Variants in SHISA9 observed in about 807,000 individuals in gnomAD.
SHISA9 encodes shisa family member 9.
Under a neutral mutation model 38.0 loss-of-function variants are expected in SHISA9, and 13 were observed. The ratio of observed to expected loss-of-function variants is 0.34; its 90% CI spans 0.22 to 0.54. SHISA9 has a LOEUF of 0.54. SHISA9 is among the 20% of genes least tolerant of loss of function. The pLI is 0.91. For synonymous variants in SHISA9, 275 were observed against 242.0 expected, an observed-to-expected ratio of 1.14 and a Z score of -1.27; for missense variants, 538 against 575.8, an observed-to-expected ratio of 0.93 and a Z score of 0.67.
chr16:12,955,218 C>T (rs2071813270), intron 2 of SHISA9, among the ~76,000 whole-genome samples: 1 of 152,138 alleles, frequency 6.6e-6, no homozygotes, highest in Admixed American at 6.5e-5. Context: ...GGCTGGATTC[C>T]ACCAATTCCC....
intron 2 of SHISA9, among the ~76,000 whole-genome samples, chr16:13,036,283 T>C (rs6498375): frequency 0.75 from 113,663 of 152,250 alleles, 43,194 homozygotes; most frequent in African/African-American, 0.88. Flanking sequence ...GTGTGATATA[T>C]TTTAACAACA....
intron 2 of SHISA9, among the ~76,000 whole-genome samples, chr16:13,078,539 G>A (rs898327638): frequency 1.3e-5 from 2 of 152,078 alleles, no homozygotes; most frequent in Non-Finnish European, 2.9e-5. Flanking sequence ...TGGAGTAGCT[G>A]GGATTACAGG....
At chr16:13,351,385 G>A in the SHISA9 span, among the ~76,000 whole-genome samples, 2 of 152,166 alleles carry the variant, frequency 1.3e-5, no homozygotes, top group Non-Finnish European at 2.9e-5. Flanking sequence ...CTGGTGGGTG[G>A]CAGGAAAGGC....
chr16:13,186,252 TG>T (rs1213706958), intron 2 of SHISA9, among the ~76,000 whole-genome samples: 2 of 149,204 alleles, frequency 1.3e-5, no homozygotes, highest in Non-Finnish European at 1.5e-5. Context: ...TGTGAAATTG[TG>T]GGGAAAAAAA....
At chr16:13,192,768 G>C (rs548352847) in intron 2 of SHISA9, among the ~76,000 whole-genome samples, 1 of 152,074 alleles carries the variant, frequency 6.6e-6, no homozygotes, top group Non-Finnish European at 1.5e-5. Context: ...CCAGCTACTT[G>C]GGAGGCTGAA....
chr16:13,489,380 G>C, the SHISA9 span, among the ~76,000 whole-genome samples: 2 of 152,120 alleles, frequency 1.3e-5, no homozygotes, highest in African/African-American at 2.4e-5. Context: ...TTGTATCTCT[G>C]TTGTTAAGCG....
chr16:13,346,180 CT>C, the SHISA9 span, among the ~76,000 whole-genome samples: 1 of 152,198 alleles, frequency 6.6e-6, no homozygotes, highest in African/African-American at 2.4e-5. Context: ...CATATGCATT[CT>C]TTGGCTTCCC....
the SHISA9 span, among the ~76,000 whole-genome samples, chr16:13,366,878 G>C: frequency 6.6e-6 from 1 of 151,538 alleles, no homozygotes; most frequent in Non-Finnish European, 1.5e-5. Context: ...AGCTACTCAG[G>C]AGACTGAGGC....
At chr16:13,245,428 T>C in the SHISA9 span, among the ~76,000 whole-genome samples, 7 of 152,188 alleles carry the variant, frequency 4.6e-5, no homozygotes, top group Non-Finnish European at 8.8e-5. Context: ...TCTATTTTTT[T>C]AAAATAGGGA....
chr16:13,299,672 C>A, the SHISA9 span, among the ~76,000 whole-genome samples: 3 of 151,488 alleles, frequency 2.0e-5, no homozygotes, highest in African/African-American at 7.3e-5. Context: ...GAGATTGCAC[C>A]CCTGCACTTT....
chr16:13,139,469 TCTTC>T (rs927533107), intron 2 of SHISA9, among the ~76,000 whole-genome samples: 5 of 148,094 alleles, frequency 3.4e-5, no homozygotes, highest in African/African-American at 1.2e-4. Flanking sequence ...TCTCTCTCTC[TCTTC>T]CTTCCTTCCT....
chr16:13,491,857 TTA>T, the SHISA9 span, among the ~76,000 whole-genome samples: 1 of 127,452 alleles, frequency 7.8e-6, no homozygotes, highest in Admixed American at 8.0e-5. Flanking sequence ...TTTTTTTTTT[TTA>T]GAGATAGGGG....
At chr16:13,097,160 A>T (rs532961393) in intron 2 of SHISA9, among the ~76,000 whole-genome samples, 1 of 152,176 alleles carries the variant, frequency 6.6e-6, no homozygotes, top group Non-Finnish European at 1.5e-5. Context: ...GTGAATCCCT[A>T]TACAGAACCC....
chr16:13,560,664 A>G, the SHISA9 span, among the ~76,000 whole-genome samples: 2 of 151,762 alleles, frequency 1.3e-5, no homozygotes, highest in African/African-American at 4.8e-5. Flanking sequence ...CCTAATCCTC[A>G]TCCACAAAAA....
the SHISA9 span, among the ~76,000 whole-genome samples, chr16:13,301,705 G>C: frequency 1.3e-5 from 2 of 152,164 alleles, no homozygotes; most frequent in African/African-American, 4.8e-5. Flanking sequence ...TGAGGTATGT[G>C]GGTGTAATGA....
chr16:13,402,371 A>G, the SHISA9 span, among the ~76,000 whole-genome samples: 1 of 152,098 alleles, frequency 6.6e-6, no homozygotes, highest in Non-Finnish European at 1.5e-5. Context: ...AGTTTCAACA[A>G]CTCAGAGTTC....
Position 13,037,498 on chromosome 16 carries a change from AG to A in SHISA9, c.691+120684del, listed in dbSNP as rs1282759474. ...GAGGGAGAGTGCAAGTTATAGCCAA[AG>A]ACCCTCAATGTCTGAGGGTATGGAC... On this transcript the variant is annotated intron_variant, in intron 2 of 4. Transcript: ENST00000558583. Among the ~76,000 whole-genome samples the A allele has an allele frequency of 2.6e-5, 4 of 151,920 alleles. 1 individual carries two copies. The East Asian group carries it at 7.9e-4, about 30-fold the overall frequency.
rs2072816613 is a variant in SHISA9 at position 13,019,882 on chromosome 16, C to CTTT, written c.691+103067_691+103068insTTT. ...TCCCTCCCTCCCTCCCTCCCTCCCT[C>CTTT]CCTTCTTTCTTTCTTTCTTTCTTTC... On this transcript the variant is annotated intron_variant, in intron 2 of 4. Transcript: ENST00000558583. Among the ~76,000 whole-genome samples, 12 of 20,386 alleles carry CTTT rather than the reference C, an allele frequency of 5.9e-4. 1 individual carries two copies. Among genetic ancestry groups the CTTT allele is most frequent in the East Asian group, 1.7e-3 (1 of 600 alleles). The allele number at this position is 20,386 out of a possible 152,430, so 13.4% of individuals were successfully genotyped here.
chr16:13,410,066 C>G, the SHISA9 span, among the ~76,000 whole-genome samples: 1 of 152,312 alleles, frequency 6.6e-6, no homozygotes, highest in African/African-American at 2.4e-5. Flanking sequence ...AAGATGGGAT[C>G]TCCCATAGAA....
Sources: gnomAD v4.1 joint callset for allele counts (sites outside exome capture counted in the v4.1 genomes callset) on GRCh38, gnomAD v4.1.1 for gene constraint, MANE v1.5 for transcripts, NCBI Gene and HGNC (gene_info 2026-07-23, HGNC 2026-07-21) for gene names.